MEGF10: variants seen among roughly 807,000 people sequenced by gnomAD.
MEGF10 encodes multiple EGF like domains 10, also known as multiple epidermal growth factor-like domains protein 10.
Under a neutral mutation model 147.5 loss-of-function variants are expected in MEGF10, and 86 were observed. The observed-to-expected ratio is 0.58, with a 90% confidence interval of 0.49 to 0.70. The LOEUF is 0.70. Among genes scored for constraint, MEGF10 ranks in the 30% least tolerant of loss-of-function variants. MEGF10 has a pLI of 0.00. For missense variants in MEGF10, 1,329 were observed against 1,487.3 expected (o/e 0.89, Z 1.75); for synonymous variants, 478 against 525.5 (o/e 0.91, Z 1.24).
chr5:127,340,947 G>C (rs1761656310), intron 4 of MEGF10, among the ~76,000 whole-genome samples: 1 of 152,120 alleles, frequency 6.6e-6, no homozygotes, highest in African/African-American at 2.4e-5. Context: ...GGACTCATTG[G>C]ACCTGGGTCC....
At chr5:127,450,646 T>C (rs1766119934) in intron 22 of MEGF10, among the ~76,000 whole-genome samples, 1 of 152,214 alleles carries the variant, frequency 6.6e-6, no homozygotes, top group Non-Finnish European at 1.5e-5. Flanking sequence ...TATAAACATA[T>C]CACAGATATT....
At chr5:127,446,759 A>G (rs1029425319) in intron 20 of MEGF10, among the ~76,000 whole-genome samples, 4 of 152,170 alleles carry the variant, frequency 2.6e-5, no homozygotes, top group Non-Finnish European at 4.4e-5. Flanking sequence ...ATTCTAATTG[A>G]TCAGTGCAGC....
intron 4 of MEGF10, 91 bp downstream of exon 4, chr5:127,340,721 A>C: frequency 1.0e-6 from 1 of 981,248 alleles, no homozygotes; most frequent in Non-Finnish European, 1.6e-6. Context: ...AGGTCTGGGG[A>C]GATGGGTGTC....
At chr5:127,323,103 A>G (rs1760855965) in intron 1 of MEGF10, among the ~76,000 whole-genome samples, 1 of 152,196 alleles carries the variant, frequency 6.6e-6, no homozygotes, top group African/African-American at 2.4e-5. Context: ...TTTAAAATAA[A>G]AAGTTTAAAA....
chr5:127,380,963 A>T (rs76111213), intron 5 of MEGF10, among the ~76,000 whole-genome samples: 3,168 of 152,294 alleles, frequency 0.021, 55 homozygotes, highest in South Asian at 0.076. Context: ...CTTCACCCTC[A>T]AGAGAGAAAA....
At chr5:127,306,180 T>C (rs2126724738) in intron 1 of MEGF10, among the ~76,000 whole-genome samples, 1 of 152,334 alleles carries the variant, frequency 6.6e-6, no homozygotes, top group East Asian at 1.9e-4. Context: ...GCCATGTAAT[T>C]AGGGCCCCGG....
chr5:127,426,012 C>A (rs965390554), intron 13 of MEGF10, among the ~76,000 whole-genome samples: 3 of 152,206 alleles, frequency 2.0e-5, no homozygotes, highest in Non-Finnish European at 4.4e-5. Flanking sequence ...ACAAGATGGC[C>A]TTAAGTGCTC....
At chr5:127,418,471 A>G (rs1378195330) in intron 10 of MEGF10, among the ~76,000 whole-genome samples, 1 of 152,244 alleles carries the variant, frequency 6.6e-6, no homozygotes, top group Non-Finnish European at 1.5e-5. Context: ...GGTGGATCAT[A>G]AGGTCACAGA....
chr5:127,402,771 G>A, intron 8 of MEGF10, 89 bp downstream of exon 8: 1 of 1,328,136 alleles, frequency 7.5e-7, no homozygotes, highest in Non-Finnish European at 1.0e-6. Context: ...AATACCATGT[G>A]TCCATGACTC....
intron 13 of MEGF10, among the ~76,000 whole-genome samples, chr5:127,430,958 A>C (rs1445108510): frequency 6.6e-6 from 1 of 152,236 alleles, no homozygotes; most frequent in Non-Finnish European, 1.5e-5. Context: ...ACTAAAAGTT[A>C]TTTTCAAGTA....
intron 1 of MEGF10, among the ~76,000 whole-genome samples, chr5:127,319,812 G>T (rs1199155295): frequency 6.6e-6 from 1 of 152,172 alleles, no homozygotes; most frequent in Non-Finnish European, 1.5e-5. Flanking sequence ...ATTAACAGTG[G>T]CATCAGCCAC....
At chr5:127,275,601 T>C in the MEGF10 span, among the ~76,000 whole-genome samples, 1 of 152,226 alleles carries the variant, frequency 6.6e-6, no homozygotes, top group African/African-American at 2.4e-5. Flanking sequence ...CATGTGAATT[T>C]ATCTTTAAGA....
chr5:127,278,338 G>T, the MEGF10 span, among the ~76,000 whole-genome samples: 1 of 151,680 alleles, frequency 6.6e-6, no homozygotes, highest in Non-Finnish European at 1.5e-5. Context: ...AAAAAAAAAA[G>T]AGAGCAGTAT....
rs937718878 is a variant in MEGF10, at chr5:127,460,314, T to C, written c.*2996T>C. The C allele has an allele frequency of 1.3e-5, 2 of 152,218 alleles. No homozygotes were observed. The highest frequency in any genetic ancestry group is 6.6e-5 in the Admixed American group (1 of 15,266). 9.4% of individuals were successfully genotyped at this position (152,218 alleles called of 1,614,324 possible). A position where few individuals can be genotyped will look rare whatever the true frequency, so the allele number is the denominator to read the frequency against. On this transcript the variant is annotated 3_prime_UTR_variant, in exon 25 of 25. Coordinates refer to ENST00000503335, the MANE Select transcript of MEGF10 (RefSeq NM_001256545.2). ...GTTTGCTTTAATAAGGAAAATATGT[T>C]ATTTGAGGTTAATTATATGATAGTG...
chr5:127,454,710 A>C (rs1430172787), intron 23 of MEGF10, 100 bp downstream of exon 23: 1 of 1,098,202 alleles, frequency 9.1e-7, no homozygotes, highest in African/African-American at 1.6e-5. Context: ...GGCAAGAGAA[A>C]ATGTAGAATT....
rs754498906 is a variant in MEGF10 at position 127,422,682 on chromosome 5, G to C, written c.1603G>C (p.Gly535Arg). The C allele has an allele frequency of 6.2e-7, 1 of 1,613,926 alleles. No homozygotes were observed. Among genetic ancestry groups the C allele is most frequent in the African/African-American group, 1.3e-5 (1 of 75,002 alleles). Reference protein sequence around the residue: ...CELPCQDGTYGLNCAERCDCS... With the variant: ...CELPCQDGTYRLNCAERCDCS... The stretch of plus-strand genomic sequence containing the variant: ...GTTTTCCATGCAGGATGGCACGTAC[G>C]GGCTGAACTGTGCTGAGCGCTGCGA... The change falls in exon 13 of 25, where the codon GGG (glycine) becomes CGG (arginine). Residue 535 changes from glycine (G) to arginine (R), a missense_variant. Physicochemically the swap from Gly to Arg is moderately radical, Grantham distance 125. Around this residue, in one of 3 missense-constraint regions of MEGF10, gnomAD observed 980 missense variants for 1,085.9 expected, o/e 0.90. Transcript: ENST00000503335.
intron 22 of MEGF10, among the ~76,000 whole-genome samples, chr5:127,451,881 T>C (rs1766165814): frequency 6.6e-6 from 1 of 152,196 alleles, no homozygotes; most frequent in Admixed American, 6.5e-5. Flanking sequence ...AGCTTACAGG[T>C]GCTTTAAATG....
At chr5:127,328,517 C>T (rs796402316) in intron 1 of MEGF10, among the ~76,000 whole-genome samples, 3 of 152,310 alleles carry the variant, frequency 2.0e-5, no homozygotes, top group African/African-American at 7.2e-5. Context: ...TCTGTCATCT[C>T]CTCTTCACAG....
At chr5:127,438,324 TG>T in intron 16 of MEGF10, 114 bp from the exon 17 acceptor site, 1 of 1,182,054 alleles carries the variant, frequency 8.5e-7, no homozygotes, top group East Asian at 2.4e-5. Flanking sequence ...TTCTTAGTCC[TG>T]ATGTACACTG....
Sources: allele counts gnomAD v4.1 joint callset (sites outside exome capture counted in the v4.1 genomes callset), GRCh38; gene constraint gnomAD v4.1.1; regional missense constraint gnomAD v4.1.1; transcripts MANE v1.5; gene names NCBI Gene and HGNC (gene_info 2026-07-23, HGNC 2026-07-21).